MMRN1: variants seen among roughly 807,000 people sequenced by gnomAD.
MMRN1 encodes multimerin 1.
Under a neutral mutation model 100.7 loss-of-function variants are expected in MMRN1, and 94 were observed. The observed-to-expected ratio is 0.93, with a 90% CI of 0.79 to 1.11. MMRN1 has a LOEUF of 1.11. Ranked by LOEUF, MMRN1 falls within the 50% of genes least tolerant of loss-of-function variation. MMRN1 has a pLI of 0.00. For missense variants in MMRN1, 1,606 were observed against 1,439.1 expected, an observed-to-expected ratio of 1.12 and a Z score of -1.88; for synonymous variants, 575 against 505.0, an observed-to-expected ratio of 1.14 and a Z score of -1.86.
chr4:89,936,913 T>C, intron 6 of MMRN1, 115 bp downstream of exon 6: 3 of 921,620 alleles, frequency 3.3e-6, no homozygotes, highest in Non-Finnish European at 4.6e-6. Flanking sequence ...TGAACTTGGA[T>C]AGATAGTCAA....
chr4:89,943,857 G>T (rs2110647142), intron 6 of MMRN1, among the ~76,000 whole-genome samples: 1 of 151,952 alleles, frequency 6.6e-6, no homozygotes, highest in Admixed American at 6.6e-5. Context: ...AGGTGTAGTG[G>T]CACGTGCCCA....
At chr4:89,927,371 T>A (rs1203348310) in intron 4 of MMRN1, among the ~76,000 whole-genome samples, 1 of 152,134 alleles carries the variant, frequency 6.6e-6, no homozygotes, top group Non-Finnish European at 1.5e-5. Context: ...TAACTTTGTG[T>A]GTGGCTATTG....
At chr4:89,913,016 T>C (rs1270268345) in intron 3 of MMRN1, among the ~76,000 whole-genome samples, 2 of 151,320 alleles carry the variant, frequency 1.3e-5, no homozygotes, top group Non-Finnish European at 3.0e-5. Context: ...AATGAATATG[T>C]ACTTCATTTA....
intron 6 of MMRN1, among the ~76,000 whole-genome samples, chr4:89,947,941 C>T (rs1723038804): frequency 6.6e-6 from 1 of 152,162 alleles, no homozygotes; most frequent in Non-Finnish European, 1.5e-5. Context: ...CAACCTCCGC[C>T]TCCTGGGTTC....
chr4:89,911,976 T>G lies in MMRN1; in HGVS notation c.776T>G (p.Met259Arg), dbSNP rs749994887. 2 of 1,604,226 alleles carry G rather than the reference T, an allele frequency of 1.2e-6. No homozygotes were observed. The highest frequency in any genetic ancestry group is 1.7e-6 in the Non-Finnish European group (2 of 1,173,992). The change falls in exon 3 of 8, where the codon ATG becomes AGG. Residue 259 changes from methionine (M) to arginine (R), a missense_variant. By Grantham distance (91) the Met-to-Arg change is moderately conservative (BLOSUM62 -1). Coordinates refer to ENST00000264790, the MANE Select transcript of MMRN1 (RefSeq NM_007351.3). ...SQKISNPVYR[M>R]QHKIVTSLDW... is the part of the protein sequence containing the mutation. ...AAGATATCCAATCCTGTCTATAGGA[T>G]GCAACATAAAATTGTCACCTCATTG...
Position 89,953,774 on chromosome 4 carries a change from C to T in MMRN1, c.*356C>T. 6.2e-6 allele frequency: 1 copy of T among 162,562 alleles called. No homozygotes were observed. Among genetic ancestry groups the T allele is most frequent in the Non-Finnish European group, 1.3e-5 (1 of 75,438 alleles). The allele number at this position is 162,562 out of a possible 1,614,324, so 10.1% of individuals were successfully genotyped here. On this transcript the variant is annotated 3_prime_UTR_variant, in exon 8 of 8. Coordinates refer to ENST00000264790, the MANE Select transcript of MMRN1 (RefSeq NM_007351.3). ...AGTCACAGTTTTCTTTCCAATTAAA[C>T]ACTTAACTTTTGTTATTCCCTGTAT... is the stretch of plus-strand genomic sequence containing the variant.
chr4:89,945,636 T>G (rs1436739988), intron 6 of MMRN1, among the ~76,000 whole-genome samples: 1 of 152,122 alleles, frequency 6.6e-6, no homozygotes, highest in Non-Finnish European at 1.5e-5. Context: ...TGATTGATGG[T>G]TATAACTCTA....
chr4:89,911,017 G>A (rs1316406071), intron 2 of MMRN1, among the ~76,000 whole-genome samples: 1 of 151,326 alleles, frequency 6.6e-6, no homozygotes, highest in East Asian at 1.9e-4. Context: ...TTTTAGATAT[G>A]GGACTTTGAG....
At chr4:89,913,769 T>C (rs1015565622) in intron 3 of MMRN1, among the ~76,000 whole-genome samples, 3 of 151,362 alleles carry the variant, frequency 2.0e-5, no homozygotes, top group Non-Finnish European at 3.0e-5. Context: ...GTTCTGATTA[T>C]GACCTTCTGT....
rs781645360 is a variant in MMRN1 at position 89,935,860 on chromosome 4, G to A, written c.2180G>A (p.Gly727Asp). The A allele has an allele frequency of 1.2e-6, 2 of 1,612,446 alleles. No individual in the cohort carries two copies. Among genetic ancestry groups the A allele is most frequent in the Non-Finnish European group, 1.7e-6 (2 of 1,179,200 alleles). The change falls in exon 6 of 8, where the codon GGC (glycine) becomes GAC (aspartate). Residue 727 changes from glycine (G) to aspartate (D), a missense_variant. Coordinates refer to ENST00000264790, the MANE Select transcript of MMRN1 (RefSeq NM_007351.3). ...INEYALEMED[G>D]LNKTMTIINN... ...GAATATGCCTTAGAAATGGAAGATG[G>A]CCTCAATAAGACAATGACTATTATA...
At chr4:89,930,748 CT>C (rs1489070199) in intron 5 of MMRN1, among the ~76,000 whole-genome samples, 1 of 151,798 alleles carries the variant, frequency 6.6e-6, no homozygotes. Flanking sequence ...CTTACATATT[CT>C]TTTTTGTAAG....
chr4:89,908,385 A>T (rs1721637359), intron 1 of MMRN1, among the ~76,000 whole-genome samples: 1 of 151,414 alleles, frequency 6.6e-6, no homozygotes, highest in Non-Finnish European at 1.5e-5. Context: ...ATTATATGAA[A>T]AATTATAGAA....
intron 1 of MMRN1, among the ~76,000 whole-genome samples, chr4:89,886,389 GT>G (rs1720937936): frequency 6.6e-6 from 1 of 152,008 alleles, no homozygotes; most frequent in Admixed American, 6.6e-5. Flanking sequence ...TAACTTAACA[GT>G]TTTGTGTTTA....
At chr4:89,907,241 C>A (rs1395291048) in intron 1 of MMRN1, among the ~76,000 whole-genome samples, 1 of 151,340 alleles carries the variant, frequency 6.6e-6, no homozygotes, top group Admixed American at 6.6e-5. Context: ...CCTCAATTGT[C>A]ACCAGTGATT....
chr4:89,895,123 G>A lies in MMRN1; in HGVS notation c.152G>A (p.Ser51Asn). ...SASVPPNKIQSLQILPTTRVM... is the reference protein window; with the variant it reads ...SASVPPNKIQNLQILPTTRVM... ...TCAGTTCCTCCAAATAAAATACAAA[G>A]TTTGCAAATACTGCCAACCACTCGG... The change falls in exon 1 of 8, where the codon AGT becomes AAT. Residue 51 changes from serine (S) to asparagine (N), a missense_variant. Transcript: ENST00000264790. The A allele has an allele frequency of 1.9e-6, 3 of 1,613,814 alleles. No homozygotes were observed. In the South Asian group the frequency reaches 3.3e-5, roughly 18 times the overall value.
In MMRN1 at chr4:89,935,835, G is replaced by T; in HGVS notation, c.2155G>T (p.Glu719Ter). ...RDDALERRIN[E>*]YALEMEDGLN... ...TGATGCCTTAGAAAGACGTATCAAT[G>T]AATATGCCTTAGAAATGGAAGATGG... Residue 719 changes from glutamate to a stop codon, truncating the protein, a stop_gained, in exon 6 of 8, where the codon GAA becomes TAA. Transcript: ENST00000264790. LOFTEE classifies it high-confidence loss of function. 6.2e-7 allele frequency: 1 copy of T among 1,613,028 alleles called. No individual in the cohort carries two copies. The highest frequency in any genetic ancestry group is 1.1e-5 in the South Asian group (1 of 90,928).
At chr4:89,910,177 A>C (rs1721703917) in intron 2 of MMRN1, among the ~76,000 whole-genome samples, 1 of 151,564 alleles carries the variant, frequency 6.6e-6, no homozygotes, top group Admixed American at 6.6e-5. Context: ...TAGTCCCTTG[A>C]GGAATAGCTA....
At chr4:89,933,593 G>A (rs1722509144) in intron 5 of MMRN1, among the ~76,000 whole-genome samples, 1 of 152,180 alleles carries the variant, frequency 6.6e-6, no homozygotes, top group Non-Finnish European at 1.5e-5. Context: ...GGTGAAGAAA[G>A]AGCAAAGCCA....
At chr4:89,886,964 A>C (rs779234474) in intron 1 of MMRN1, among the ~76,000 whole-genome samples, 22 of 152,038 alleles carry the variant, frequency 1.4e-4, no homozygotes, top group Non-Finnish European at 2.9e-4. Context: ...TCTGCCATCT[A>C]ACTGTATTTT....
Sources: allele counts gnomAD v4.1 joint callset (sites outside exome capture counted in the v4.1 genomes callset), GRCh38; gene constraint gnomAD v4.1.1; transcripts MANE v1.5; gene names NCBI Gene and HGNC (gene_info 2026-07-23, HGNC 2026-07-21).